Variants in PAPPA2 observed in about 807,000 individuals in gnomAD.
The protein encoded by PAPPA2 is pappalysin-2.
Under a neutral mutation model 176.4 loss-of-function variants are expected in PAPPA2, and 86 were observed. The observed-to-expected ratio is 0.49, with a 90% CI of 0.41 to 0.58. The LOEUF is 0.58. Among genes scored for constraint, PAPPA2 ranks in the 20% least tolerant of loss-of-function variants. PAPPA2 has a pLI of 0.00. For missense variants in PAPPA2, 2,073 were observed against 2,256.9 expected, an observed-to-expected ratio of 0.92 and a Z score of 1.65; for synonymous variants, 809 against 852.2, an observed-to-expected ratio of 0.95 and a Z score of 0.88.
At chr1:176,774,609 T>C (rs1431622345) in intron 17 of PAPPA2, among the ~76,000 whole-genome samples, 2 of 152,172 alleles carry the variant, frequency 1.3e-5, no homozygotes, top group East Asian at 3.8e-4. Flanking sequence ...TAGACTATTA[T>C]CATTTTTCAC....
chr1:176,512,640 T>C (rs1437796469), intron 1 of PAPPA2, among the ~76,000 whole-genome samples: 7 of 152,298 alleles, frequency 4.6e-5, no homozygotes, highest in Non-Finnish European at 1.0e-4. Context: ...GAAAGCTTTT[T>C]AGGGTGATGA....
At chr1:176,664,479 A>G (rs184086851) in intron 3 of PAPPA2, among the ~76,000 whole-genome samples, 83 of 152,256 alleles carry the variant, frequency 5.5e-4, no homozygotes, top group African/African-American at 1.8e-3. Context: ...AAGTACTTGT[A>G]TGATTAGATT....
intron 1 of PAPPA2, among the ~76,000 whole-genome samples, chr1:176,551,105 G>A (rs1049364372): frequency 5.3e-5 from 8 of 152,140 alleles, no homozygotes; most frequent in East Asian, 1.9e-4. Context: ...AAAGGGGGCC[G>A]TAGTAGATTA....
chr1:176,823,241 AT>A (rs745998146), intron 21 of PAPPA2, among the ~76,000 whole-genome samples: 1 of 152,190 alleles, frequency 6.6e-6, no homozygotes, highest in Non-Finnish European at 1.5e-5. Flanking sequence ...TACTGTCTGT[AT>A]TAGTCAAGTG....
chr1:176,647,536 A>G (rs1282053066), intron 3 of PAPPA2, among the ~76,000 whole-genome samples: 1 of 151,674 alleles, frequency 6.6e-6, no homozygotes, highest in Non-Finnish European at 1.5e-5. Flanking sequence ...TAGCAGTTTC[A>G]TAGTTTGAGG....
At chr1:176,748,585 A>C (rs1421733020) in intron 14 of PAPPA2, among the ~76,000 whole-genome samples, 1 of 152,232 alleles carries the variant, frequency 6.6e-6, no homozygotes, top group Non-Finnish European at 1.5e-5. Context: ...TTTAATCAGT[A>C]ATATTAATGT....
chr1:176,811,248 T>C (rs1327081788), intron 21 of PAPPA2, among the ~76,000 whole-genome samples: 1 of 152,232 alleles, frequency 6.6e-6, no homozygotes, highest in Non-Finnish European at 1.5e-5. Flanking sequence ...CAATGTTCTA[T>C]TTCAACTTTA....
At chr1:176,623,593 TCC>T (rs1312795708) in intron 3 of PAPPA2, among the ~76,000 whole-genome samples, 8 of 144,396 alleles carry the variant, frequency 5.5e-5, no homozygotes, top group African/African-American at 2.0e-4. Context: ...CTTCCTTCCT[TCC>T]TTCCTTCCTT....
chr1:176,697,284 G>C (rs1254214934), intron 7 of PAPPA2, among the ~76,000 whole-genome samples: 1 of 152,148 alleles, frequency 6.6e-6, no homozygotes, highest in Non-Finnish European at 1.5e-5. Context: ...TGGCAGTGCT[G>C]ATGTTAGGTT....
chr1:176,705,094 G>A (rs1394893314), intron 9 of PAPPA2, among the ~76,000 whole-genome samples: 1 of 151,980 alleles, frequency 6.6e-6, no homozygotes, highest in Non-Finnish European at 1.5e-5. Context: ...ATAGATGAAG[G>A]TTAATCCTCT....
At chr1:176,537,745 T>TGTGTGTGG (rs1406742340) in intron 1 of PAPPA2, among the ~76,000 whole-genome samples, 1 of 151,800 alleles carries the variant, frequency 6.6e-6, no homozygotes, top group African/African-American at 2.4e-5. Context: ...TGTGTGTGTG[T>TGTGTGTGG]GTGTGTGTGT....
In PAPPA2 at chr1:176,504,157, A is replaced by G. The variant is rs138536258; in HGVS notation, c.-917+40739A>G. Among the ~76,000 whole-genome samples, 777 of 152,212 alleles carry G rather than the reference A, an allele frequency of 5.1e-3. 3 individuals carry two copies. The highest frequency in any genetic ancestry group is 0.017 in the Middle Eastern group (5 of 294). ...CTGGGGGAATTGACTGGCCAATATC[A>G]AACTCTTCTGTGTACACTAAGCAGC... On this transcript the variant is annotated intron_variant, in intron 1 of 22. Transcript: ENST00000367662.
intron 14 of PAPPA2, among the ~76,000 whole-genome samples, chr1:176,742,007 C>T (rs1662700845): frequency 6.6e-6 from 1 of 152,192 alleles, no homozygotes; most frequent in African/African-American, 2.4e-5. Flanking sequence ...TTCACTTCAA[C>T]TCATACTCTA....
At chr1:176,684,365 G>T (rs1010297011) in intron 4 of PAPPA2, among the ~76,000 whole-genome samples, 2 of 152,140 alleles carry the variant, frequency 1.3e-5, no homozygotes, top group Non-Finnish European at 2.9e-5. Context: ...TGCAGGATGG[G>T]CGTTGGGGAA....
chr1:176,789,059 G>A (rs568511083), intron 17 of PAPPA2, among the ~76,000 whole-genome samples: 1 of 152,132 alleles, frequency 6.6e-6, no homozygotes, highest in African/African-American at 2.4e-5. Context: ...GTTGTACTTA[G>A]ATGTGAGTCT....
chr1:176,671,553 G>T (rs1348712641), intron 4 of PAPPA2, among the ~76,000 whole-genome samples: 1 of 152,088 alleles, frequency 6.6e-6, no homozygotes, highest in East Asian at 1.9e-4. Flanking sequence ...AAAAGGTGGG[G>T]CTTGCCTGCT....
At chr1:176,562,694 G>T (rs1300166153) in intron 2 of PAPPA2, among the ~76,000 whole-genome samples, 1 of 152,218 alleles carries the variant, frequency 6.6e-6, no homozygotes. Context: ...GGTTTCTGGG[G>T]ATGGATTTAC....
At chr1:176,825,647 G>T (rs1317196438) in intron 21 of PAPPA2, among the ~76,000 whole-genome samples, 1 of 152,200 alleles carries the variant, frequency 6.6e-6, no homozygotes, top group Non-Finnish European at 1.5e-5. Flanking sequence ...GAGCATTGCT[G>T]CTATACCTCA....
intron 21 of PAPPA2, among the ~76,000 whole-genome samples, chr1:176,818,938 C>T (rs1390771917): frequency 6.6e-6 from 1 of 152,152 alleles, no homozygotes; most frequent in Admixed American, 6.5e-5. Context: ...TATACTGGCC[C>T]TATTATTTAG....
Sources: gnomAD v4.1 joint callset for allele counts (sites outside exome capture counted in the v4.1 genomes callset) on GRCh38, gnomAD v4.1.1 for gene constraint, MANE v1.5 for transcripts, NCBI Gene and HGNC (gene_info 2026-07-23, HGNC 2026-07-21) for gene names.